DBT: variants seen among roughly 807,000 people sequenced by gnomAD.
DBT encodes the protein dihydrolipoamide branched chain transacylase E2, also known as lipoamide acyltransferase component of branched-chain alpha-keto acid dehydrogenase complex, mitochondrial.
Under a neutral mutation model 51.3 loss-of-function variants are expected in DBT, and 40 were observed. The observed-to-expected ratio is 0.78, with a 90% CI of 0.61 to 1.02. The LOEUF (loss-of-function observed/expected upper bound fraction) is 1.02. DBT is among the 50% of genes least tolerant of loss of function. The pLI, the probability that DBT is intolerant of heterozygous loss-of-function variation, is 0.00. For synonymous variants in DBT, 181 were observed against 190.4 expected, an observed-to-expected ratio of 0.95 and a Z score of 0.41; for missense variants, 510 against 580.2, an observed-to-expected ratio of 0.88 and a Z score of 1.24.
In DBT at chr1:100,196,430, T is replaced by TAAAAAAAAAA. The variant is rs1661097833; in HGVS notation, c.1282-9_1282-8insTTTTTTTTTT. On this transcript the variant is annotated splice_polypyrimidine_tract_variant and intron_variant, in intron 10 of 10. Coordinates refer to ENST00000370132, the MANE Select transcript of DBT (RefSeq NM_001918.5). ...GTTAAATCGGGGAATGGCCTAGAAATGAAAAAAAAAAAAAAAAAAAAAAAA... is the reference window on the plus strand; with the variant it reads ...GTTAAATCGGGGAATGGCCTAGAAATAAAAAAAAAAGAAAAAAAAAAAAAAAAAAAAAAAA... 2.0e-6 allele frequency: 1 copy of TAAAAAAAAAA among 493,374 alleles called. No homozygotes were observed. The highest frequency in any genetic ancestry group is 1.1e-4 in the African/African-American group (1 of 8,966). The allele number at this position is 493,374 out of a possible 1,614,324, so 30.6% of individuals were successfully genotyped here. A position where few individuals can be genotyped will look rare whatever the true frequency, so the allele number is the denominator to read the frequency against.
In DBT at chr1:100,225,043, A is replaced by AATGTATG. The variant is rs1553231586; in HGVS notation, c.433+5689_433+5690insCATACAT. ...CCCCCAAAAAAAAAAAAAAAAAAAA[A>AATGTATG]TATATATATACACACACACACACAC... On this transcript the variant is annotated intron_variant, in intron 4 of 10. Transcript: ENST00000370132. Among the ~76,000 whole-genome samples, 2 of 43,014 alleles carry AATGTATG rather than the reference A, an allele frequency of 4.6e-5. 1 individual carries two copies. The highest frequency in any genetic ancestry group is 8.9e-5 in the Non-Finnish European group (2 of 22,388). The allele number at this position is 43,014 out of a possible 152,430, so 28.2% of individuals were successfully genotyped here. A position where few individuals can be genotyped will look rare whatever the true frequency, so the allele number is the denominator to read the frequency against.
At chr1:100,240,026 C>T (rs1221953257) in intron 2 of DBT, among the ~76,000 whole-genome samples, 1 of 151,932 alleles carries the variant, frequency 6.6e-6, no homozygotes, top group Non-Finnish European at 1.5e-5. Context: ...CTAAATAGAA[C>T]ATCAGGAAAA....
At chr1:100,213,435 G>T in intron 7 of DBT, 1 of 1,575,856 alleles carries the variant, frequency 6.3e-7, no homozygotes, top group Non-Finnish European at 8.7e-7. Flanking sequence ...CTCGTCACAC[G>T]GACACCCACC....
chr1:100,225,044 T>A (rs55906423), intron 4 of DBT, among the ~76,000 whole-genome samples: 2,938 of 12,702 alleles, frequency 0.23, 279 homozygotes, highest in East Asian at 0.29. Flanking sequence ...AAAAAAAAAA[T>A]ATATATATAC....
chr1:100,240,298 A>C (rs1464603790), intron 2 of DBT, among the ~76,000 whole-genome samples: 1 of 152,198 alleles, frequency 6.6e-6, no homozygotes, highest in African/African-American at 2.4e-5. Flanking sequence ...AAGTCATATC[A>C]ATGCTGACTA....
chr1:100,249,063 C>T (rs1433246170), intron 1 of DBT: 1 of 985,274 alleles, frequency 1.0e-6, no homozygotes, highest in Non-Finnish European at 1.2e-6. Context: ...TTTGTAAGAT[C>T]GGGGTCACCA....
chr1:100,238,446 C>G lies in DBT; in HGVS notation c.175+2315G>C, dbSNP rs904595656. 2.6e-5 allele frequency among the ~76,000 whole-genome samples: 4 copies of G among 150,992 alleles called. No homozygotes were observed. In the Admixed American group the frequency reaches 2.7e-4, roughly 10 times the overall value. ...CTTTCTTTTATTTCCCCTCCCCTCC[C>G]CTTCCTTCCTTCTCCTTCTCCTCCT... On this transcript the variant is annotated intron_variant, in intron 2 of 10. Transcript: ENST00000370132.
chr1:100,218,733 C>T lies in DBT; in HGVS notation c.448G>A (p.Val150Ile). ...TGAGACACTGCAGGAGTTTCAACAA[C>T]ATCTTCTTCTGAATCTGGTAACAAG... ...TEALKDSEED[V>I]VETPAVSHDE... The change falls in exon 5 of 11, where the codon GTT (valine) becomes ATT (isoleucine). Residue 150 changes from valine (V) to isoleucine (I), a missense_variant. Coordinates refer to ENST00000370132, the MANE Select transcript of DBT (RefSeq NM_001918.5). 6.2e-7 allele frequency: 1 copy of T among 1,613,780 alleles called. No homozygotes were observed. Among genetic ancestry groups the T allele is most frequent in the South Asian group, 1.1e-5 (1 of 91,042 alleles).
chr1:100,205,734 GA>G (rs1412318254), intron 10 of DBT, among the ~76,000 whole-genome samples: 19 of 152,172 alleles, frequency 1.2e-4, no homozygotes, highest in Non-Finnish European at 2.8e-4. Context: ...ACTGGATAAA[GA>G]AAATGTGGCA....
intron 10 of DBT, among the ~76,000 whole-genome samples, chr1:100,199,978 G>A (rs1661346958): frequency 6.6e-6 from 1 of 152,042 alleles, no homozygotes; most frequent in African/African-American, 2.4e-5. Context: ...GGCCGTTTGG[G>A]CAGACACCAA....
intron 4 of DBT, among the ~76,000 whole-genome samples, chr1:100,229,406 T>C (rs1195390822): frequency 6.6e-6 from 1 of 152,136 alleles, no homozygotes; most frequent in Non-Finnish European, 1.5e-5. Context: ...GACCTCGTGA[T>C]CCACCCACCT....
intron 3 of DBT, among the ~76,000 whole-genome samples, chr1:100,231,918 G>A (rs2100829509): frequency 6.6e-6 from 1 of 152,276 alleles, no homozygotes; most frequent in Admixed American, 6.5e-5. Context: ...CAGCCTTGCA[G>A]CCACTGTAAG....
intron 1 of DBT, among the ~76,000 whole-genome samples, chr1:100,248,359 ATACT>A (rs1664680118): frequency 6.6e-6 from 1 of 152,236 alleles, no homozygotes; most frequent in African/African-American, 2.4e-5. Flanking sequence ...GTATGCATGG[ATACT>A]TAATTTCCTA....
intron 1 of DBT, 29 bp downstream of exon 1, chr1:100,249,741 C>T: frequency 1.2e-6 from 2 of 1,610,628 alleles, no homozygotes. Context: ...CACTCCTTCC[C>T]GGCCTCAGAT....
Position 100,216,117 on chromosome 1 carries a change from G to A in DBT, c.638C>T (p.Thr213Ile), listed in dbSNP as rs765917003. ...GGGTGAAGGAGGCAATATAGCTCCT[G>A]TCTGCTTTTCCAAATAGTTGAGGAT... ...EDILNYLEKQ[T>I]GAILPPSPKV... Residue 213 changes from threonine to isoleucine, a missense_variant, in exon 6 of 11, where the codon ACA becomes ATA. By Grantham distance (89) the Thr-to-Ile change is moderately conservative (BLOSUM62 -1). Transcript: ENST00000370132. The A allele has an allele frequency of 6.2e-7, 1 of 1,613,798 alleles. No homozygotes were observed. Among genetic ancestry groups the A allele is most frequent in the South Asian group, 1.1e-5 (1 of 91,078 alleles).
chr1:100,216,722 G>A (rs1184812506), intron 5 of DBT, among the ~76,000 whole-genome samples: 1 of 152,186 alleles, frequency 6.6e-6, no homozygotes, highest in Non-Finnish European at 1.5e-5. Context: ...TTAGACCAAT[G>A]TTTCTGACAC....
intron 3 of DBT, among the ~76,000 whole-genome samples, chr1:100,233,723 G>A (rs1485611224): frequency 1.3e-5 from 2 of 152,176 alleles, no homozygotes; most frequent in Admixed American, 6.5e-5. Flanking sequence ...CCAACCTACT[G>A]CTGTGTCCAA....
At chr1:100,221,158 C>G (rs1474803941) in intron 4 of DBT, among the ~76,000 whole-genome samples, 1 of 152,060 alleles carries the variant, frequency 6.6e-6, no homozygotes, top group Non-Finnish European at 1.5e-5. Flanking sequence ...GATATATTAC[C>G]TACATAGTAC....
At chr1:100,197,377 G>A (rs935098605) in intron 10 of DBT, among the ~76,000 whole-genome samples, 2 of 152,220 alleles carry the variant, frequency 1.3e-5, no homozygotes, top group Non-Finnish European at 2.9e-5. Flanking sequence ...TTCACTGAAA[G>A]AGGACGACTT....
Sources: gnomAD v4.1 joint callset for allele counts (sites outside exome capture counted in the v4.1 genomes callset) on GRCh38, gnomAD v4.1.1 for gene constraint, MANE v1.5 for transcripts, NCBI Gene and HGNC (gene_info 2026-07-23, HGNC 2026-07-21) for gene names.